PHF21B: variants seen among roughly 807,000 people sequenced by gnomAD.
PHF21B encodes PHD finger protein 4.
PHF21B carries 22 observed loss-of-function variants against 62.2 expected under a neutral mutation model. The observed-to-expected ratio is 0.35, with a 90% CI of 0.25 to 0.51. The LOEUF (loss-of-function observed/expected upper bound fraction) is 0.51, where lower values mean the gene tolerates loss of function less well. Ranked by LOEUF, PHF21B falls within the 20% of genes least tolerant of loss-of-function variation. PHF21B has a pLI of 0.97. For missense variants in PHF21B, 701 were observed against 707.9 expected, an observed-to-expected ratio of 0.99 and a Z score of 0.11; for synonymous variants, 341 against 314.7, an observed-to-expected ratio of 1.08 and a Z score of -0.88.
At chr22:44,883,670 C>G (rs1034627229) in intron 12 of PHF21B, among the ~76,000 whole-genome samples, 4 of 152,160 alleles carry the variant, frequency 2.6e-5, no homozygotes, top group Admixed American at 6.5e-5. Context: ...TGCTCTTTCT[C>G]TCGCCTGTTG....
chr22:45,004,319 G>A (rs1386271821), intron 2 of PHF21B, among the ~76,000 whole-genome samples: 3 of 152,158 alleles, frequency 2.0e-5, no homozygotes, highest in African/African-American at 7.2e-5. Context: ...GGTAAGAGAT[G>A]GTAGTGGGTG....
intron 2 of PHF21B, among the ~76,000 whole-genome samples, chr22:45,000,119 G>A (rs968953897): frequency 1.3e-5 from 2 of 152,192 alleles, no homozygotes; most frequent in South Asian, 2.1e-4. Flanking sequence ...GGATGGAGCC[G>A]GGATTGGAAC....
intron 7 of PHF21B, among the ~76,000 whole-genome samples, chr22:44,892,043 G>A (rs2070975529): frequency 6.6e-6 from 1 of 152,220 alleles, no homozygotes; most frequent in African/African-American, 2.4e-5. Flanking sequence ...GTTGACTCCT[G>A]ACCTGCTTAT....
intron 2 of PHF21B, among the ~76,000 whole-genome samples, chr22:44,936,690 T>C (rs2071854863): frequency 6.6e-6 from 1 of 152,214 alleles, no homozygotes. Context: ...CATAAAATAA[T>C]TATTAAAATG....
chr22:44,980,325 T>G lies in PHF21B; in HGVS notation c.120+28220A>C, dbSNP rs79174797. 3.1e-3 allele frequency among the ~76,000 whole-genome samples: 478 copies of G among 152,286 alleles called. 1 individual carries two copies. Among genetic ancestry groups the G allele is most frequent in the African/African-American group, 0.011 (455 of 41,560 alleles). On this transcript the variant is annotated intron_variant, in intron 2 of 12. Coordinates refer to ENST00000313237, the MANE Select transcript of PHF21B (RefSeq NM_138415.5). ...GTCTCTATCTACACCTCAGACTGGC[T>G]TGCAGTCACTGCTCACCCACGCTGA...
chr22:44,929,450 A>G (rs2071697786), intron 2 of PHF21B, among the ~76,000 whole-genome samples: 1 of 152,198 alleles, frequency 6.6e-6, no homozygotes, highest in African/African-American at 2.4e-5. Flanking sequence ...ATCCAGGCAA[A>G]TTCCACTTGC....
intron 5 of PHF21B, chr22:44,902,387 G>T (rs369901870): frequency 6.1e-5 from 19 of 310,146 alleles, no homozygotes; most frequent in African/African-American, 3.5e-4. Context: ...ATCTGTGTTT[G>T]CCCTGATGAG....
intron 2 of PHF21B, among the ~76,000 whole-genome samples, chr22:44,984,609 T>TA (rs1288687347): frequency 2.6e-5 from 4 of 152,208 alleles, no homozygotes; most frequent in Admixed American, 2.6e-4. Context: ...ATCTGAGAGT[T>TA]AAACACCTGC....
At chr22:44,914,361 C>G (rs901732693) in intron 4 of PHF21B, among the ~76,000 whole-genome samples, 2 of 152,248 alleles carry the variant, frequency 1.3e-5, no homozygotes, top group African/African-American at 4.8e-5. Flanking sequence ...TGCCCCACCG[C>G]TTCCCAGCTG....
intron 2 of PHF21B, 56 bp from the exon 3 acceptor site, chr22:44,920,546 G>A (rs768043269): frequency 3.0e-5 from 42 of 1,402,900 alleles, no homozygotes; most frequent in Non-Finnish European, 3.5e-5. Context: ...GACCGAATCC[G>A]TTGCCCCCAG....
chr22:44,940,717 C>T (rs968051917), intron 2 of PHF21B, among the ~76,000 whole-genome samples: 1 of 152,114 alleles, frequency 6.6e-6, no homozygotes, highest in Non-Finnish European at 1.5e-5. Context: ...GCGAAGGGGC[C>T]GAAGGAAGAG....
chr22:44,904,887 G>T (rs1190576709), intron 5 of PHF21B, among the ~76,000 whole-genome samples: 1 of 152,156 alleles, frequency 6.6e-6, no homozygotes, highest in Non-Finnish European at 1.5e-5. Flanking sequence ...CTTTCCCTCG[G>T]CAGTCTGCAG....
Position 45,005,943 on chromosome 22 carries a change from C to T in PHF21B, c.120+2602G>A, listed in dbSNP as rs190199829. On this transcript the variant is annotated intron_variant, in intron 2 of 12. Coordinates refer to ENST00000313237, the MANE Select transcript of PHF21B (RefSeq NM_138415.5). ...GGCTCTGGGGTGACCAAGTAGAGGC[C>T]TCTTCAAAACCCTAGTTCAGCCCAG... Among the ~76,000 whole-genome samples the T allele has an allele frequency of 2.8e-4, 42 of 152,280 alleles. 1 individual carries two copies. The East Asian group carries it at 4.8e-3, about 17-fold the overall frequency.
rs1359259433 is a variant in PHF21B at position 44,916,623 on chromosome 22, G to A, written c.221C>T (p.Pro74Leu). 1 of 1,601,120 alleles carries A rather than the reference G, an allele frequency of 6.2e-7. No individual in the cohort carries two copies. The highest frequency in any genetic ancestry group is 1.7e-5 in the Admixed American group (1 of 60,024). ...GAGGCTGTCTGGAATCAGAGTCTTT[G>A]GCCTAACCTGGGAAGAAGGGACAGG... ...QGAAVLPQVR[P>L]KTLIPDSLPV... Residue 74 changes from proline to leucine, a missense_variant, in exon 4 of 13, where the codon CCA becomes CTA. Physicochemically the swap from Pro to Leu is moderately conservative, Grantham distance 98. Coordinates refer to ENST00000313237, the MANE Select transcript of PHF21B (RefSeq NM_138415.5).
At chr22:44,927,512 A>G (rs1277470195) in intron 2 of PHF21B, among the ~76,000 whole-genome samples, 1 of 151,462 alleles carries the variant, frequency 6.6e-6, no homozygotes, top group East Asian at 2.0e-4. Flanking sequence ...TGCTGCAAAC[A>G]GGGCTGCCTT....
chr22:44,931,370 C>G (rs898094940), intron 2 of PHF21B, among the ~76,000 whole-genome samples: 1 of 152,180 alleles, frequency 6.6e-6, no homozygotes, highest in African/African-American at 2.4e-5. Flanking sequence ...GGCTCGGTCT[C>G]GGTGACCCTG....
At chr22:44,941,892 C>G (rs2071965669) in intron 2 of PHF21B, among the ~76,000 whole-genome samples, 1 of 152,192 alleles carries the variant, frequency 6.6e-6, no homozygotes, top group South Asian at 2.1e-4. Context: ...TCAGAAGCAG[C>G]CCCGTCTCCC....
intron 2 of PHF21B, among the ~76,000 whole-genome samples, chr22:44,951,637 A>G (rs2072196419): frequency 6.6e-6 from 1 of 152,230 alleles, no homozygotes; most frequent in Non-Finnish European, 1.5e-5. Flanking sequence ...TCATTGCTGC[A>G]TAGTATTCCC....
At chr22:44,966,037 G>C (rs1033220024) in intron 2 of PHF21B, among the ~76,000 whole-genome samples, 2 of 152,186 alleles carry the variant, frequency 1.3e-5, no homozygotes, top group African/African-American at 4.8e-5. Flanking sequence ...TCTGGAGACA[G>C]GTGTTTCTCC....
Sources: gnomAD v4.1 joint callset for allele counts (sites outside exome capture counted in the v4.1 genomes callset) on GRCh38, gnomAD v4.1.1 for gene constraint, MANE v1.5 for transcripts, NCBI Gene and HGNC (gene_info 2026-07-23, HGNC 2026-07-21) for gene names.